MPPED2: variants seen among roughly 807,000 people sequenced by gnomAD.
The protein encoded by MPPED2 is metallophosphoesterase domain containing 2, also known as metallophosphoesterase MPPED2.
A neutral mutation model predicts 33.0 loss-of-function variants in MPPED2; 5 were observed. The ratio of observed to expected loss-of-function variants is 0.15; its 90% CI spans 0.08 to 0.32. MPPED2 has a LOEUF of 0.32. MPPED2 is among the 10% of genes least tolerant of loss of function. The probability of loss-of-function intolerance (pLI) is 1.00; values close to 1 mark genes in which losing one functional copy is unlikely to be tolerated. For missense variants in MPPED2, 275 were observed against 372.1 expected (o/e 0.74, Z 2.15); for synonymous variants, 136 against 141.9 (o/e 0.96, Z 0.29).
At chr11:30,505,024 C>T (rs1367377966) in intron 3 of MPPED2, among the ~76,000 whole-genome samples, 1 of 152,002 alleles carries the variant, frequency 6.6e-6, no homozygotes, top group Admixed American at 6.6e-5. Context: ...TCCCAAGGCA[C>T]CAGGAGATGT....
chr11:30,387,288 G>T (rs1156937129), exon 7 of MPPED2: 2 of 152,446 alleles, frequency 1.3e-5, no homozygotes, highest in Non-Finnish European at 2.9e-5. Flanking sequence ...GCAAGCAGAT[G>T]CTGTGTGCTT....
intron 6 of MPPED2, among the ~76,000 whole-genome samples, chr11:30,391,836 T>G (rs1369998994): frequency 6.6e-6 from 1 of 152,132 alleles, no homozygotes; most frequent in African/African-American, 2.4e-5. Context: ...AGCCCCAACA[T>G]TAGGCTTTAA....
chr11:30,563,273 G>C (rs891056882), intron 2 of MPPED2, among the ~76,000 whole-genome samples: 22 of 152,096 alleles, frequency 1.4e-4, no homozygotes, highest in Non-Finnish European at 7.4e-5. Flanking sequence ...GTATGAGGGG[G>C]TACGTTTCAA....
chr11:30,401,383 G>T (rs774408802), intron 6 of MPPED2, among the ~76,000 whole-genome samples: 7 of 152,174 alleles, frequency 4.6e-5, no homozygotes, highest in Non-Finnish European at 8.8e-5. Flanking sequence ...AGGGCCTTAT[G>T]ATATCATTTA....
intron 4 of MPPED2, among the ~76,000 whole-genome samples, chr11:30,476,887 C>T (rs1951229443): frequency 6.6e-6 from 1 of 151,942 alleles, no homozygotes; most frequent in Non-Finnish European, 1.5e-5. Context: ...TTTAGGTCTT[C>T]TTTAATTTTT....
intron 2 of MPPED2, among the ~76,000 whole-genome samples, chr11:30,546,124 C>A (rs10835687): frequency 1.5e-4 from 23 of 152,114 alleles, no homozygotes; most frequent in Non-Finnish European, 2.6e-4. Flanking sequence ...CCGGCCACAA[C>A]TGATTCTTAA....
intron 4 of MPPED2, among the ~76,000 whole-genome samples, chr11:30,474,786 G>C (rs1397599566): frequency 6.6e-6 from 1 of 151,900 alleles, no homozygotes; most frequent in Non-Finnish European, 1.5e-5. Context: ...TCATCCCTGA[G>C]GACTTCTAAG....
At chr11:30,558,081 GTGA>G (rs1956066695) in intron 2 of MPPED2, among the ~76,000 whole-genome samples, 1 of 152,106 alleles carries the variant, frequency 6.6e-6, no homozygotes, top group South Asian at 2.1e-4. Flanking sequence ...ATTGTTTTCA[GTGA>G]TATTGGTATT....
chr11:30,443,263 G>C (rs1046843691), intron 4 of MPPED2, among the ~76,000 whole-genome samples: 1 of 152,192 alleles, frequency 6.6e-6, no homozygotes, highest in African/African-American at 2.4e-5. Context: ...CTTACTGCTT[G>C]CTCCACGTCA....
chr11:30,514,788 A>C (rs540336542), intron 3 of MPPED2, among the ~76,000 whole-genome samples: 3 of 152,260 alleles, frequency 2.0e-5, no homozygotes, highest in South Asian at 4.1e-4. Context: ...TCCAATATTT[A>C]CCTCTGTCAG....
chr11:30,442,511 G>C (rs767327182), intron 4 of MPPED2, among the ~76,000 whole-genome samples: 7 of 152,168 alleles, frequency 4.6e-5, no homozygotes, highest in Non-Finnish European at 8.8e-5. Context: ...TTAAAATAAA[G>C]TGATGTGTTG....
At chr11:30,556,352 G>T (rs1955961723) in intron 2 of MPPED2, among the ~76,000 whole-genome samples, 1 of 152,074 alleles carries the variant, frequency 6.6e-6, no homozygotes, top group African/African-American at 2.4e-5. Flanking sequence ...CTCCATATTT[G>T]TTTCTGAGTG....
At chr11:30,583,559 T>C (rs1310081976) in intron 1 of MPPED2, among the ~76,000 whole-genome samples, 2 of 152,232 alleles carry the variant, frequency 1.3e-5, no homozygotes, top group East Asian at 3.8e-4. Context: ...TGAGTACATT[T>C]TGCATTTCCT....
intron 3 of MPPED2, among the ~76,000 whole-genome samples, chr11:30,514,728 G>A (rs987678297): frequency 6.6e-6 from 1 of 152,190 alleles, no homozygotes; most frequent in African/African-American, 2.4e-5. Context: ...CAGTGTCCCT[G>A]TAAATGAAAT....
chr11:30,513,530 C>A lies in MPPED2; in HGVS notation c.311-18009G>T, dbSNP rs140287433. 2.3e-3 allele frequency among the ~76,000 whole-genome samples: 347 copies of A among 152,292 alleles called. 1 individual carries two copies. Among genetic ancestry groups the A allele is most frequent in the African/African-American group, 8.0e-3 (331 of 41,560 alleles). On this transcript the variant is annotated intron_variant, in intron 3 of 6. Transcript: ENST00000358117. ...AATCTCAATATGCCAAATACGTGAT[C>A]TTCAGGAAGTAAACTATTCAACTGT...
At chr11:30,546,328 T>C (rs185830375) in intron 2 of MPPED2, among the ~76,000 whole-genome samples, 64 of 152,300 alleles carry the variant, frequency 4.2e-4, no homozygotes, top group African/African-American at 1.5e-3. Context: ...TTAAGAGCCA[T>C]CAAACACACG....
chr11:30,458,992 C>T (rs1262886858), intron 4 of MPPED2, among the ~76,000 whole-genome samples: 2 of 118,654 alleles, frequency 1.7e-5, no homozygotes, highest in Non-Finnish European at 3.2e-5. Context: ...GTGGCGGGAT[C>T]TCGGCTCACT....
At chr11:30,577,652 A>G (rs1040854327) in intron 2 of MPPED2, among the ~76,000 whole-genome samples, 9 of 152,216 alleles carry the variant, frequency 5.9e-5, no homozygotes, top group Non-Finnish European at 1.2e-4. Context: ...ATTAAATCCA[A>G]CCAAGATCCC....
intron 2 of MPPED2, among the ~76,000 whole-genome samples, chr11:30,544,906 C>G (rs1955327975): frequency 6.6e-6 from 1 of 152,044 alleles, no homozygotes. Flanking sequence ...GAAGCTGGGA[C>G]CTCACTTGGA....
Sources: allele counts gnomAD v4.1 joint callset (sites outside exome capture counted in the v4.1 genomes callset), GRCh38; gene constraint gnomAD v4.1.1; transcripts MANE v1.5; gene names NCBI Gene and HGNC (gene_info 2026-07-23, HGNC 2026-07-21).